Variants in PDE6C observed in about 807,000 individuals in gnomAD.
The protein encoded by PDE6C is phosphodiesterase 6C, also known as cone cGMP-specific 3',5'-cyclic phosphodiesterase subunit alpha'.
In PDE6C, 75 loss-of-function variants were observed where a neutral mutation model predicts 113.1. The ratio of observed to expected loss-of-function variants is 0.66; its 90% CI spans 0.55 to 0.80. PDE6C has a LOEUF of 0.80. Among genes scored for constraint, PDE6C ranks in the 30% least tolerant of loss-of-function variants. The pLI, the probability that PDE6C is intolerant of heterozygous loss-of-function variation, is 0.00. For synonymous variants in PDE6C, 375 were observed against 363.7 expected (o/e 1.03, Z -0.35); for missense variants, 912 against 1,038.6 (o/e 0.88, Z 1.67).
chr10:93,636,938 T>C, intron 10 of PDE6C, 57 bp from the exon 11 acceptor site: 1 of 895,576 alleles, frequency 1.1e-6, no homozygotes, highest in Non-Finnish European at 1.9e-6. Context: ...AGTAGAGGAA[T>C]CAGATGGAAA....
intron 18 of PDE6C, among the ~76,000 whole-genome samples, chr10:93,661,449 T>C (rs141118001): frequency 6.6e-6 from 1 of 152,228 alleles, no homozygotes; most frequent in African/African-American, 2.4e-5. Context: ...ACTTACACTA[T>C]TATTGTTACA....
Position 93,658,667 on chromosome 10 carries a change from TCC to T in PDE6C, c.2037-232_2037-231del, listed in dbSNP as rs1018821513. The stretch of plus-strand genomic sequence containing the variant: ...CAAGTTACCTGTTTTGTTTTGTTTT[TCC>T]CTCTCTCTCTCTCTCTCTCTCTGTA... On this transcript the variant is annotated intron_variant, in intron 16 of 21. Coordinates refer to ENST00000371447, the MANE Select transcript of PDE6C (RefSeq NM_006204.4). 8.4e-5 allele frequency among the ~76,000 whole-genome samples: 9 copies of T among 107,332 alleles called. 1 individual carries two copies. Among genetic ancestry groups the T allele is most frequent in the Admixed American group, 2.8e-4 (3 of 10,826 alleles). The allele number at this position is 107,332 out of a possible 152,430, so 70.4% of individuals were successfully genotyped here.
chr10:93,622,647 T>G (rs2058453060), intron 4 of PDE6C, among the ~76,000 whole-genome samples: 1 of 13,014 alleles, frequency 7.7e-5, no homozygotes, highest in East Asian at 0.012. Flanking sequence ...AGGTTTTTTT[T>G]TTGTTTTTTT....
intron 14 of PDE6C, among the ~76,000 whole-genome samples, chr10:93,643,118 A>T (rs1330655357): frequency 6.6e-6 from 1 of 152,178 alleles, no homozygotes; most frequent in Admixed American, 6.5e-5. Context: ...GGGAGGTGCC[A>T]TATAGGAGGT....
At chr10:93,627,862 C>T (rs957414056) in intron 7 of PDE6C, among the ~76,000 whole-genome samples, 6 of 152,162 alleles carry the variant, frequency 3.9e-5, no homozygotes, top group African/African-American at 1.4e-4. Flanking sequence ...GAAAGATTCT[C>T]GCATTTTCTG....
In PDE6C at chr10:93,613,193, A is replaced by G; in HGVS notation, c.468A>G (p.Pro156=). The G allele has an allele frequency of 6.2e-7, 1 of 1,613,750 alleles. No homozygotes were observed. Among genetic ancestry groups the G allele is most frequent in the Non-Finnish European group, 8.5e-7 (1 of 1,180,036 alleles). ...ACACGAAGAAAACTCATAATGTCCC[A>G]GATGTGAAAAAGGTAGGTGGCCTTA... The part of the protein sequence containing the change: ...AAHTKKTHNV[P]DVKKNSHFSD... The change falls in exon 1 of 22, where the codon CCA becomes CCG. Residue 156 remains proline, a synonymous_variant. Transcript: ENST00000371447.
At chr10:93,625,696 T>C (rs771407674) in intron 5 of PDE6C, 47 bp downstream of exon 5, 1 of 1,369,758 alleles carries the variant, frequency 7.3e-7, no homozygotes, top group Non-Finnish European at 1.0e-6. Flanking sequence ...TGGTGTCAGG[T>C]GCTAAAATTA....
chr10:93,658,169 C>CAAAAAAAAA (rs71031527), intron 16 of PDE6C, among the ~76,000 whole-genome samples: 13 of 59,866 alleles, frequency 2.2e-4, no homozygotes, highest in South Asian at 9.7e-4. Flanking sequence ...GATTCTGTCT[C>CAAAAAAAAA]AAAAAAAAAA....
At chr10:93,627,620 TA>T (rs1222951773) in intron 7 of PDE6C, among the ~76,000 whole-genome samples, 20 of 152,322 alleles carry the variant, frequency 1.3e-4, no homozygotes, top group African/African-American at 4.3e-4. Flanking sequence ...GACCCACCTG[TA>T]AATGTTCTTA....
At chr10:93,617,717 T>C (rs2058426347) in intron 1 of PDE6C, among the ~76,000 whole-genome samples, 1 of 152,162 alleles carries the variant, frequency 6.6e-6, no homozygotes, top group Non-Finnish European at 1.5e-5. Flanking sequence ...AAGCCTGCAG[T>C]GATCAGAGAT....
intron 21 of PDE6C, 147 bp downstream of exon 21, chr10:93,663,325 G>GT (rs1259091680): frequency 1.3e-6 from 1 of 789,856 alleles, no homozygotes. Flanking sequence ...CCGATTAGTG[G>GT]TTTTCAGGTC....
chr10:93,656,768 C>T (rs1407305762), intron 16 of PDE6C, among the ~76,000 whole-genome samples: 1 of 151,992 alleles, frequency 6.6e-6, no homozygotes, highest in Non-Finnish European at 1.5e-5. Flanking sequence ...TGGGTTTCAC[C>T]ATGTTGGCCA....
intron 1 of PDE6C, among the ~76,000 whole-genome samples, chr10:93,619,980 T>C (rs949537780): frequency 2.0e-5 from 3 of 152,166 alleles, no homozygotes; most frequent in Non-Finnish European, 4.4e-5. Flanking sequence ...TCCATATGCA[T>C]TGGTCTTCAG....
chr10:93,658,169 C>CAA (rs71031527), intron 16 of PDE6C, among the ~76,000 whole-genome samples: 6,157 of 59,682 alleles, frequency 0.1, 760 homozygotes, highest in South Asian at 0.15. Flanking sequence ...GATTCTGTCT[C>CAA]AAAAAAAAAA....
intron 21 of PDE6C, 128 bp from the exon 22 acceptor site, chr10:93,665,232 C>A: frequency 1.3e-6 from 1 of 786,720 alleles, no homozygotes; most frequent in Non-Finnish European, 2.2e-6. Flanking sequence ...TGGTCAAACC[C>A]ACAGTACTTG....
At chr10:93,641,065 G>C (rs1465505382) in intron 14 of PDE6C, 36 bp downstream of exon 14, 1 of 1,235,594 alleles carries the variant, frequency 8.1e-7, no homozygotes, top group Non-Finnish European at 1.2e-6. Context: ...ACACGTATTG[G>C]TGGACATTGG....
At chr10:93,656,539 C>A (rs1157904593) in intron 16 of PDE6C, among the ~76,000 whole-genome samples, 1 of 151,782 alleles carries the variant, frequency 6.6e-6, no homozygotes, top group African/African-American at 2.4e-5. Context: ...CCTTTCTGAT[C>A]CTTCACTAAA....
intron 1 of PDE6C, among the ~76,000 whole-genome samples, chr10:93,617,130 C>T (rs2058423708): frequency 6.6e-6 from 1 of 152,176 alleles, no homozygotes; most frequent in South Asian, 2.1e-4. Context: ...ATACTGACAT[C>T]TGATGAGGGA....
chr10:93,657,025 T>C (rs1349643402), intron 16 of PDE6C, among the ~76,000 whole-genome samples: 1 of 152,154 alleles, frequency 6.6e-6, no homozygotes. Context: ...AGTGATGCAA[T>C]TGAGGTATTC....
Sources: gnomAD v4.1 joint callset for allele counts (sites outside exome capture counted in the v4.1 genomes callset) on GRCh38, gnomAD v4.1.1 for gene constraint, MANE v1.5 for transcripts, NCBI Gene and HGNC (gene_info 2026-07-23, HGNC 2026-07-21) for gene names.